The following CLIC5 variants were observed in gnomAD, a reference collection of about 807,000 sequenced individuals.
CLIC5 encodes the protein CLIC family member 5.
CLIC5 carries 20 observed loss-of-function variants against 24.7 expected under a neutral mutation model. That is an observed-to-expected ratio of 0.81 (90% confidence interval 0.57 to 1.18). CLIC5 has a LOEUF of 1.18. Ranked by LOEUF, CLIC5 falls within the 50% of genes most tolerant of loss-of-function variation. The pLI is 0.00. For missense variants in CLIC5, 341 were observed against 326.1 expected (o/e 1.05, Z -0.35); for synonymous variants, 159 against 135.6 (o/e 1.17, Z -1.20).
chr6:46,025,672 G>A (rs188143213), intron 1 of CLIC5, among the ~76,000 whole-genome samples: 78 of 152,304 alleles, frequency 5.1e-4, no homozygotes, highest in African/African-American at 1.8e-3. Flanking sequence ...CCCAGGTAAA[G>A]AATGGAATGC....
intron 1 of CLIC5, among the ~76,000 whole-genome samples, chr6:46,043,605 G>A (rs1255229143): frequency 2.6e-5 from 4 of 152,340 alleles, no homozygotes; most frequent in Non-Finnish European, 2.9e-5. Flanking sequence ...TTCAAAGTCA[G>A]AGGGTAATTG....
At chr6:45,886,163 T>C (rs1158323101) in intron 6 of CLIC5, among the ~76,000 whole-genome samples, 2 of 152,162 alleles carry the variant, frequency 1.3e-5, no homozygotes, top group African/African-American at 4.8e-5. Flanking sequence ...ATGAAATGGG[T>C]TGGTCGGTGG....
chr6:46,081,838 T>C (rs1316315849), upstream of CLIC5, among the ~76,000 whole-genome samples: 4 of 152,346 alleles, frequency 2.6e-5, no homozygotes, highest in African/African-American at 7.2e-5. Context: ...TCCAGCTCAG[T>C]AATATTTCTG....
the CLIC5 span, among the ~76,000 whole-genome samples, chr6:46,112,727 A>T: frequency 4.6e-5 from 7 of 152,192 alleles, no homozygotes; most frequent in African/African-American, 1.4e-4. Context: ...GTTCTGAGGC[A>T]TAAATGAGCT....
chr6:46,002,910 C>T (rs1766412645), intron 1 of CLIC5, among the ~76,000 whole-genome samples: 1 of 152,240 alleles, frequency 6.6e-6, no homozygotes, highest in African/African-American at 2.4e-5. Flanking sequence ...CTCCCTCTTG[C>T]TCGCCATTGG....
At chr6:45,903,385 T>C in intron 5 of CLIC5, 130 bp from the exon 6 acceptor site, 6 of 636,128 alleles carry the variant, frequency 9.4e-6, no homozygotes, top group Non-Finnish European at 1.5e-5. Context: ...ATCAGTGATA[T>C]GTTTGAAATG....
chr6:46,056,460 C>G (rs1300855205), intron 1 of CLIC5, among the ~76,000 whole-genome samples: 3 of 152,132 alleles, frequency 2.0e-5, no homozygotes, highest in African/African-American at 7.2e-5. Flanking sequence ...GACAAACTAG[C>G]CAGGTACCCT....
At chr6:45,896,353 A>G (rs934056584), downstream of CLIC5, among the ~76,000 whole-genome samples, 1 of 152,222 alleles carries the variant, frequency 6.6e-6, no homozygotes, top group Non-Finnish European at 1.5e-5. Context: ...GCCAAAAAGT[A>G]CTCTTCATCA....
chr6:46,070,268 A>G (rs1018686228), intron 1 of CLIC5, among the ~76,000 whole-genome samples: 7 of 152,250 alleles, frequency 4.6e-5, no homozygotes, highest in Admixed American at 2.6e-4. Flanking sequence ...AAATAGGTAC[A>G]GAGAAAGTCA....
At chr6:45,936,542 C>G (rs955375238) in intron 4 of CLIC5, among the ~76,000 whole-genome samples, 4 of 151,982 alleles carry the variant, frequency 2.6e-5, no homozygotes, top group Admixed American at 6.6e-5. Context: ...GGGCATTATT[C>G]CAAGCACACT....
At chr6:46,028,687 C>T (rs1767411993) in intron 1 of CLIC5, among the ~76,000 whole-genome samples, 1 of 152,134 alleles carries the variant, frequency 6.6e-6, no homozygotes, top group African/African-American at 2.4e-5. Context: ...CAAAATTGAA[C>T]TGAAGGTATA....
upstream of CLIC5, among the ~76,000 whole-genome samples, chr6:46,081,190 G>C (rs113611326): frequency 4.1e-3 from 620 of 152,310 alleles, 6 homozygotes; most frequent in African/African-American, 0.014. Flanking sequence ...GCACAAGGCT[G>C]TTCAGTCAAT....
chr6:45,974,522 T>TATATAGAGAGAG (rs1339415709), intron 1 of CLIC5, among the ~76,000 whole-genome samples: 2 of 66,006 alleles, frequency 3.0e-5, no homozygotes, highest in African/African-American at 1.2e-4. Context: ...TATATATATA[T>TATATAGAGAGAG]AGAGAGAGAG....
the CLIC5 span, among the ~76,000 whole-genome samples, chr6:46,112,039 T>TCTCAAGTATGG: frequency 2.2e-5 from 1 of 45,120 alleles, no homozygotes; most frequent in African/African-American, 6.5e-5. Flanking sequence ...CTCAAGTATG[T>TCTCAAGTATGG]CTTTATCAGC....
intron 1 of CLIC5, among the ~76,000 whole-genome samples, chr6:46,023,326 A>G (rs1177508654): frequency 6.6e-6 from 1 of 152,218 alleles, no homozygotes; most frequent in Non-Finnish European, 1.5e-5. Flanking sequence ...AGTGTTATTA[A>G]TCCCATTTCA....
intron 1 of CLIC5, among the ~76,000 whole-genome samples, chr6:45,994,734 G>A (rs10948268): frequency 0.33 from 50,290 of 151,952 alleles, 8,526 homozygotes; most frequent in Middle Eastern, 0.45. Flanking sequence ...CAGTGCCCAC[G>A]GACCTACAGA....
the CLIC5 span, among the ~76,000 whole-genome samples, chr6:46,120,148 T>C: frequency 2.6e-4 from 40 of 152,336 alleles, no homozygotes; most frequent in East Asian, 6.6e-3. Flanking sequence ...AGTGGTTCCC[T>C]GATGCCTGAG....
intron 3 of CLIC5, among the ~76,000 whole-genome samples, chr6:45,948,322 C>G (rs562149276): frequency 6.6e-6 from 1 of 152,296 alleles, no homozygotes; most frequent in Non-Finnish European, 1.5e-5. Context: ...TTGGCTTAGC[C>G]CTTCATTCGT....
At chr6:46,102,397 T>G in the CLIC5 span, 1 of 152,242 alleles carries the variant, frequency 6.6e-6, no homozygotes, top group African/African-American at 2.4e-5. Flanking sequence ...ATGGAGGTCT[T>G]ATGACCTACA....
Sources: allele counts gnomAD v4.1 joint callset (sites outside exome capture counted in the v4.1 genomes callset), GRCh38; gene constraint gnomAD v4.1.1; transcripts MANE v1.5; gene names NCBI Gene and HGNC (gene_info 2026-07-23, HGNC 2026-07-21).